VPS13B: variants seen among roughly 807,000 people sequenced by gnomAD.
VPS13B encodes the protein intermembrane lipid transfer protein VPS13B.
In VPS13B, 285 loss-of-function variants were observed where a neutral mutation model predicts 426.4. The ratio of observed to expected loss-of-function variants is 0.67; its 90% CI spans 0.61 to 0.74. The LOEUF is 0.74. Among genes scored for constraint, VPS13B ranks in the 30% least tolerant of loss-of-function variants. The pLI is 0.00. For missense variants in VPS13B, 4,537 were observed against 4,782.6 expected, an observed-to-expected ratio of 0.95 and a Z score of 1.51; for synonymous variants, 1,676 against 1,676.4, an observed-to-expected ratio of 1.00 and a Z score of 0.01.
At chr8:99,825,418 G>T (rs1458549112) in intron 51 of VPS13B, among the ~76,000 whole-genome samples, 1 of 152,080 alleles carries the variant, frequency 6.6e-6, no homozygotes, top group Non-Finnish European at 1.5e-5. Flanking sequence ...TTCTGATGGG[G>T]TTGGTTGGTT....
intron 19 of VPS13B, among the ~76,000 whole-genome samples, chr8:99,381,657 TG>T: frequency 6.6e-6 from 1 of 152,304 alleles, no homozygotes; most frequent in African/African-American, 2.4e-5. Flanking sequence ...TAATGATCAA[TG>T]ATGTTGAGTT....
intron 13 of VPS13B, among the ~76,000 whole-genome samples, chr8:99,144,684 C>A (rs1588084911): frequency 1.3e-5 from 2 of 152,278 alleles, no homozygotes; most frequent in South Asian, 2.1e-4. Context: ...TTCATGCATT[C>A]ATTTATTATA....
intron 3 of VPS13B, among the ~76,000 whole-genome samples, chr8:99,040,740 AG>A (rs1174981741): frequency 6.6e-6 from 1 of 152,126 alleles, no homozygotes; most frequent in Non-Finnish European, 1.5e-5. Context: ...GGTTCAGTGA[AG>A]GGGCCTTTTA....
At chr8:99,271,593 C>T (rs546474272) in intron 17 of VPS13B, among the ~76,000 whole-genome samples, 115 of 152,284 alleles carry the variant, frequency 7.6e-4, no homozygotes, top group South Asian at 1.7e-3. Flanking sequence ...CTGTAAAGAA[C>T]TGCCTGAGAC....
At chr8:99,294,696 G>A (rs541856593) in intron 19 of VPS13B, among the ~76,000 whole-genome samples, 4 of 152,278 alleles carry the variant, frequency 2.6e-5, no homozygotes, top group African/African-American at 9.6e-5. Flanking sequence ...TAATCTTGGT[G>A]TAAATCACTT....
chr8:99,313,837 C>A (rs1821153970), intron 19 of VPS13B, among the ~76,000 whole-genome samples: 3 of 152,170 alleles, frequency 2.0e-5, no homozygotes, highest in Non-Finnish European at 4.4e-5. Context: ...TTCCTGGCCG[C>A]TTTGTTTACC....
At chr8:99,295,217 A>T (rs1240365899) in intron 19 of VPS13B, among the ~76,000 whole-genome samples, 1 of 152,192 alleles carries the variant, frequency 6.6e-6, no homozygotes, top group African/African-American at 2.4e-5. Flanking sequence ...GTTTTACATC[A>T]TTAATATGTA....
intron 33 of VPS13B, among the ~76,000 whole-genome samples, chr8:99,612,527 A>G (rs1210397782): frequency 6.6e-6 from 1 of 152,130 alleles, no homozygotes; most frequent in Non-Finnish European, 1.5e-5. Context: ...TAATTATCCT[A>G]AGGTTTATTT....
intron 30 of VPS13B, among the ~76,000 whole-genome samples, chr8:99,525,120 G>A (rs987630276): frequency 6.6e-6 from 1 of 152,136 alleles, no homozygotes; most frequent in Non-Finnish European, 1.5e-5. Flanking sequence ...GTAATAGTAA[G>A]TACACAGAAA....
intron 16 of VPS13B, among the ~76,000 whole-genome samples, chr8:99,173,585 T>G (rs1812475318): frequency 6.6e-6 from 1 of 152,180 alleles, no homozygotes; most frequent in African/African-American, 2.4e-5. Context: ...ATCAGTCTGG[T>G]TTTGTGATTA....
intron 17 of VPS13B, among the ~76,000 whole-genome samples, chr8:99,220,136 CAG>C (rs1815628995): frequency 6.6e-6 from 1 of 152,152 alleles, no homozygotes; most frequent in Non-Finnish European, 1.5e-5. Flanking sequence ...ATTAGGTCTA[CAG>C]AGAGCTTAAA....
At chr8:99,743,278 C>T (rs1000081464) in intron 39 of VPS13B, among the ~76,000 whole-genome samples, 51 of 151,840 alleles carry the variant, frequency 3.4e-4, no homozygotes, top group Non-Finnish European at 1.2e-4. Flanking sequence ...ACATGAAGGA[C>T]CTCTTCAAGG....
intron 29 of VPS13B, among the ~76,000 whole-genome samples, chr8:99,518,282 A>T (rs1822194368): frequency 6.6e-6 from 1 of 152,192 alleles, no homozygotes; most frequent in African/African-American, 2.4e-5. Context: ...CTCCAGGCTT[A>T]CTACGTAATT....
At chr8:99,116,978 GTTAAGTAT>G (rs1240441950) in intron 7 of VPS13B, among the ~76,000 whole-genome samples, 1 of 152,180 alleles carries the variant, frequency 6.6e-6, no homozygotes, top group African/African-American at 2.4e-5. Flanking sequence ...TCAGTAGTTA[GTTAAGTAT>G]GATGAATGGT....
intron 2 of VPS13B, among the ~76,000 whole-genome samples, chr8:99,036,615 G>GT (rs1203067893): frequency 6.6e-6 from 1 of 152,056 alleles, no homozygotes; most frequent in Non-Finnish European, 1.5e-5. Flanking sequence ...GCCACCTCTT[G>GT]TGTTACTGTT....
At chr8:99,324,819 T>C (rs550347801) in intron 19 of VPS13B, among the ~76,000 whole-genome samples, 63 of 152,182 alleles carry the variant, frequency 4.1e-4, no homozygotes, top group Non-Finnish European at 8.5e-4. Flanking sequence ...CTTGTTACTA[T>C]AATGTAGTCA....
At chr8:99,718,293 C>G (rs367709628) in intron 37 of VPS13B, among the ~76,000 whole-genome samples, 127 of 151,836 alleles carry the variant, frequency 8.4e-4, no homozygotes, top group Middle Eastern at 6.8e-3. Flanking sequence ...GTTGTTGAGG[C>G]TATAGATTTT....
chr8:99,156,836 A>G, intron 15 of VPS13B, 93 bp downstream of exon 15: 1 of 1,175,862 alleles, frequency 8.5e-7, no homozygotes, highest in Non-Finnish European at 1.3e-6. Context: ...AATTTCAGAG[A>G]AATAGTACTC....
At chr8:99,352,849 G>T (rs1398876313) in intron 19 of VPS13B, among the ~76,000 whole-genome samples, 1 of 151,058 alleles carries the variant, frequency 6.6e-6, no homozygotes, top group Non-Finnish European at 1.5e-5. Flanking sequence ...CAAACAAACA[G>T]TTTTTTTTGG....
Sources: allele counts gnomAD v4.1 joint callset (sites outside exome capture counted in the v4.1 genomes callset), GRCh38; gene constraint gnomAD v4.1.1; transcripts MANE v1.5; gene names NCBI Gene and HGNC (gene_info 2026-07-23, HGNC 2026-07-21).